The following NRXN1 variants were observed in gnomAD, a reference collection of about 807,000 sequenced individuals.
The protein encoded by NRXN1 is neurexin 1.
NRXN1 carries 39 observed loss-of-function variants against 150.9 expected under a neutral mutation model. The ratio of observed to expected loss-of-function variants is 0.26; its 90% CI spans 0.20 to 0.34. The LOEUF (loss-of-function observed/expected upper bound fraction) is 0.34, where lower values mean the gene tolerates loss of function less well. Ranked by LOEUF, NRXN1 falls within the 10% of genes least tolerant of loss-of-function variation. NRXN1 has a pLI of 1.00. For synonymous variants in NRXN1, 924 were observed against 757.0 expected (o/e 1.22, Z -3.62); for missense variants, 1,815 against 1,949.9 (o/e 0.93, Z 1.30).
intron 19 of NRXN1, among the ~76,000 whole-genome samples, chr2:50,074,448 A>C (rs1331580376): frequency 2.0e-5 from 3 of 152,146 alleles, no homozygotes; most frequent in East Asian, 3.8e-4. Flanking sequence ...ACTCATAAAC[A>C]AGTTACTATA....
chr2:50,551,031 A>T (rs1667398195), intron 9 of NRXN1, among the ~76,000 whole-genome samples: 1 of 100,846 alleles, frequency 9.9e-6, no homozygotes, highest in African/African-American at 4.4e-5. Context: ...GAAGAGGAAG[A>T]GGAAGAGGAA....
At chr2:50,083,724 C>T (rs1237734155) in intron 19 of NRXN1, among the ~76,000 whole-genome samples, 1 of 152,060 alleles carries the variant, frequency 6.6e-6, no homozygotes, top group Non-Finnish European at 1.5e-5. Context: ...CTGACTGGTC[C>T]GTTTTGAGAG....
At chr2:50,497,762 T>C in intron 13 of NRXN1, 48 bp from the exon 14 acceptor site, 1 of 1,526,964 alleles carries the variant, frequency 6.5e-7, no homozygotes. Flanking sequence ...TGAAAGGCAC[T>C]TTCAACTTTA....
intron 2 of NRXN1, among the ~76,000 whole-genome samples, chr2:50,971,385 C>A (rs891896027): frequency 6.6e-6 from 1 of 151,982 alleles, no homozygotes; most frequent in Non-Finnish European, 1.5e-5. Context: ...GAGTTTGAGA[C>A]CAGCCTGGCC....
chr2:50,964,172 AG>A (rs1693677030), intron 2 of NRXN1, among the ~76,000 whole-genome samples: 1 of 151,626 alleles, frequency 6.6e-6, no homozygotes, highest in East Asian at 1.9e-4. Flanking sequence ...TAGAAGGTTT[AG>A]ACTATGCAAA....
At chr2:50,727,323 A>G (rs192701696) in intron 5 of NRXN1, among the ~76,000 whole-genome samples, 49 of 152,332 alleles carry the variant, frequency 3.2e-4, no homozygotes, top group Admixed American at 3.1e-3. Flanking sequence ...GTGAAGACAC[A>G]GTCAATGTGT....
rs867614251 is a variant in NRXN1, at chr2:50,347,150, C to T, written c.3365-110180G>A. ...GCCGTGCCTAGCACCCCAAACAATC[C>T]GAAACATAGCCGAGGCGAATGCAGC... On this transcript the variant is annotated intron_variant, in intron 17 of 22. Coordinates refer to ENST00000401669, the MANE Select transcript of NRXN1 (RefSeq NM_001330078.2). This position sits in a 1 kb window ranked among gnomAD's most constrained non-coding sequence, Gnocchi z 4.9. 4 of 1,377,176 alleles carry T rather than the reference C, an allele frequency of 2.9e-6. 1 individual carries two copies. The Middle Eastern group carries it at 5.9e-4, about 202-fold the overall frequency. The allele number at this position is 1,377,176 out of a possible 1,614,324, so 85.3% of individuals were successfully genotyped here.
At chr2:50,167,815 A>T (rs905383003) in intron 18 of NRXN1, among the ~76,000 whole-genome samples, 1 of 152,104 alleles carries the variant, frequency 6.6e-6, no homozygotes, top group Non-Finnish European at 1.5e-5. Flanking sequence ...TAATTTCAAG[A>T]GCTCCCAGGT....
intron 17 of NRXN1, among the ~76,000 whole-genome samples, chr2:50,350,749 G>A (rs997732295): frequency 6.6e-6 from 1 of 152,152 alleles, no homozygotes; most frequent in South Asian, 2.1e-4. Context: ...TCCCCTGCCT[G>A]TCTTATATTG....
At chr2:50,229,321 AT>A (rs202053327) in intron 18 of NRXN1, among the ~76,000 whole-genome samples, 5,783 of 122,172 alleles carry the variant, frequency 0.047, 312 homozygotes, top group Admixed American at 0.15. Flanking sequence ...CTTTCAGCGC[AT>A]TTTTTTTTGT....
chr2:51,026,584 A>G, intron 2 of NRXN1: 2 of 682,172 alleles, frequency 2.9e-6, no homozygotes, highest in East Asian at 5.5e-5. Flanking sequence ...GATAAATGTC[A>G]TTAGCCGAAT....
chr2:50,611,787 T>G (rs1212457012), intron 8 of NRXN1, among the ~76,000 whole-genome samples: 1 of 152,036 alleles, frequency 6.6e-6, no homozygotes, highest in African/African-American at 2.4e-5. Context: ...GCTGCCAGAG[T>G]AGGGAAGAGG....
At chr2:50,880,739 G>A (rs915534820) in intron 5 of NRXN1, among the ~76,000 whole-genome samples, 2 of 152,108 alleles carry the variant, frequency 1.3e-5, no homozygotes, top group East Asian at 3.9e-4. Flanking sequence ...GAGTTTGACT[G>A]TGAACACCAA....
In NRXN1 at chr2:50,548,700, A is replaced by G. The variant is rs146828751; in HGVS notation, c.1759+3887T>C. Among the ~76,000 whole-genome samples, 1,011 of 151,930 alleles carry G rather than the reference A, an allele frequency of 6.7e-3. 4 individuals carry two copies. The highest frequency in any genetic ancestry group is 0.022 in the African/African-American group (934 of 41,534). On this transcript the variant is annotated intron_variant, in intron 9 of 22. Coordinates refer to ENST00000401669, the MANE Select transcript of NRXN1 (RefSeq NM_001330078.2). ...ATAAATACAATTTTCTCTATCTGGG[A>G]TGGAAATTATGAACCTTATAAAGTG...
At position 49,935,711 on chromosome 2, in the gene NRXN1, C is replaced by T. The variant is rs17039481; in HGVS notation, c.4216+7993G>A. ...TCAGAATATGCTTGCTGGCTTACCT[C>T]TGATATCATCTGAGCAAATGTAATT... On this transcript the variant is annotated intron_variant, in intron 22 of 22. Transcript: ENST00000401669. Among the ~76,000 whole-genome samples the T allele has an allele frequency of 6.0e-3, 916 of 152,288 alleles. 8 individuals carry two copies. Among genetic ancestry groups the T allele is most frequent in the African/African-American group, 0.02 (848 of 41,554 alleles).
At chr2:50,454,664 TCACACACACACACACA>T (rs3052512) in intron 17 of NRXN1, among the ~76,000 whole-genome samples, 1 of 140,732 alleles carries the variant, frequency 7.1e-6, no homozygotes, top group African/African-American at 2.6e-5. Flanking sequence ...TGGGCAAAGA[TCACACACACACACACA>T]CACACACACA....
At chr2:50,378,581 T>C (rs150067414) in intron 17 of NRXN1, among the ~76,000 whole-genome samples, 79 of 152,238 alleles carry the variant, frequency 5.2e-4, no homozygotes, top group Admixed American at 7.9e-4. Context: ...CTACCCACAG[T>C]TGCACCACCG....
intron 18 of NRXN1, among the ~76,000 whole-genome samples, chr2:50,108,547 T>C (rs558838228): frequency 2.0e-5 from 3 of 152,130 alleles, no homozygotes; most frequent in East Asian, 1.9e-4. Flanking sequence ...TATTTCAAAA[T>C]TGAGAAATCT....
At chr2:50,015,816 A>T (rs74872695) in intron 21 of NRXN1, among the ~76,000 whole-genome samples, 5 of 152,238 alleles carry the variant, frequency 3.3e-5, no homozygotes, top group Non-Finnish European at 7.4e-5. Flanking sequence ...TTTCCATTCC[A>T]GAAAGTTCTA....
Sources: allele counts gnomAD v4.1 joint callset (sites outside exome capture counted in the v4.1 genomes callset), GRCh38; gene constraint gnomAD v4.1.1; non-coding constraint Gnocchi (gnomAD v3.1); transcripts MANE v1.5; gene names NCBI Gene and HGNC (gene_info 2026-07-23, HGNC 2026-07-21).